The following REDIC1 variants were observed in gnomAD, a reference collection of about 807,000 sequenced individuals.
REDIC1 encodes the protein regulator of DNA class I crossover intermediates 1, also known as HEI10 Interacting Protein 1.
the REDIC1 span, among the ~76,000 whole-genome samples, chr12:39,676,898 T>C: frequency 6.6e-6 from 1 of 152,016 alleles, no homozygotes; most frequent in South Asian, 2.1e-4. Context: ...ACAAACATGC[T>C]GAGAGAATTC....
the REDIC1 span, among the ~76,000 whole-genome samples, chr12:39,832,913 A>G: frequency 6.6e-6 from 1 of 152,138 alleles, no homozygotes; most frequent in Non-Finnish European, 1.5e-5. Flanking sequence ...TATAGAGCAG[A>G]TGAGTAGCTC....
At chr12:39,638,616 G>C in the REDIC1 span, among the ~76,000 whole-genome samples, 2 of 151,974 alleles carry the variant, frequency 1.3e-5, no homozygotes, top group Non-Finnish European at 2.9e-5. Context: ...AAATAATTGA[G>C]AGTGACTATA....
At chr12:39,637,803 C>G in the REDIC1 span, among the ~76,000 whole-genome samples, 3 of 151,874 alleles carry the variant, frequency 2.0e-5, no homozygotes, top group South Asian at 6.2e-4. Context: ...GTTAGTTTCC[C>G]CTACTACTTA....
At chr12:39,818,035 C>A in the REDIC1 span, among the ~76,000 whole-genome samples, 1 of 152,176 alleles carries the variant, frequency 6.6e-6, no homozygotes, top group Admixed American at 6.5e-5. Flanking sequence ...CACTTTCCAG[C>A]TCTTTAACTT....
the REDIC1 span, among the ~76,000 whole-genome samples, chr12:39,700,875 C>G: frequency 0.047 from 7,149 of 152,096 alleles, 256 homozygotes; most frequent in East Asian, 0.08. Flanking sequence ...CCTTTACAGA[C>G]AAGCAAATGC....
the REDIC1 span, among the ~76,000 whole-genome samples, chr12:39,726,451 T>C: frequency 6.6e-6 from 1 of 152,126 alleles, no homozygotes; most frequent in Non-Finnish European, 1.5e-5. Context: ...CTGAGAATGA[T>C]GGTTTGAAGC....
chr12:39,814,637 A>G, the REDIC1 span, among the ~76,000 whole-genome samples: 1 of 152,208 alleles, frequency 6.6e-6, no homozygotes, highest in African/African-American at 2.4e-5. Context: ...AGAGAGGAAA[A>G]ACATAAATTG....
chr12:39,670,538 C>T, the REDIC1 span, among the ~76,000 whole-genome samples: 1 of 152,064 alleles, frequency 6.6e-6, no homozygotes, highest in African/African-American at 2.4e-5. Flanking sequence ...GGAGATAAGA[C>T]CTTTTTGGGT....
the REDIC1 span, among the ~76,000 whole-genome samples, chr12:39,871,557 C>G: frequency 4.6e-5 from 7 of 152,020 alleles, no homozygotes; most frequent in Admixed American, 4.6e-4. Context: ...AAATGTTACC[C>G]TCAGTAGATC....
At chr12:39,856,945 A>C in the REDIC1 span, among the ~76,000 whole-genome samples, 1 of 152,230 alleles carries the variant, frequency 6.6e-6, no homozygotes, top group African/African-American at 2.4e-5. Context: ...AAAATACACC[A>C]GACGCTGATT....
the REDIC1 span, chr12:39,757,003 T>C: frequency 6.6e-6 from 1 of 151,746 alleles, no homozygotes; most frequent in Non-Finnish European, 1.5e-5. Flanking sequence ...TTAAAAATAA[T>C]CATGTTTTGG....
At chr12:39,747,302 G>A in the REDIC1 span, among the ~76,000 whole-genome samples, 2 of 152,350 alleles carry the variant, frequency 1.3e-5, no homozygotes, top group African/African-American at 2.4e-5. Context: ...TAGCCAATTT[G>A]ATCAACTGGA....
chr12:39,647,776 A>G, the REDIC1 span: 1,365 of 1,438,808 alleles, frequency 9.5e-4, 16 homozygotes, highest in Non-Finnish European at 1.5e-4. Flanking sequence ...AAATGATTTT[A>G]TCTTCTTTCC....
chr12:39,706,030 T>G, the REDIC1 span, among the ~76,000 whole-genome samples: 1 of 152,090 alleles, frequency 6.6e-6, no homozygotes. Context: ...AGTCAAATTA[T>G]CCTTGTTTGC....
chr12:39,812,455 T>C, the REDIC1 span, among the ~76,000 whole-genome samples: 1 of 151,366 alleles, frequency 6.6e-6, no homozygotes, highest in Admixed American at 6.6e-5. Context: ...TCTCTTTCTT[T>C]CTTTCTCCTT....
chr12:39,702,455 C>A, the REDIC1 span, among the ~76,000 whole-genome samples: 1 of 151,896 alleles, frequency 6.6e-6, no homozygotes, highest in East Asian at 1.9e-4. Flanking sequence ...GCTTACCAAC[C>A]AAAAAGAGTC....
At chr12:39,685,051 C>T in the REDIC1 span, 1 of 590,090 alleles carries the variant, frequency 1.7e-6, no homozygotes, top group Non-Finnish European at 2.8e-6. Context: ...ATTGGATGGA[C>T]TCTTTTTCTT....
chr12:39,780,899 G>A, the REDIC1 span, among the ~76,000 whole-genome samples: 1 of 152,178 alleles, frequency 6.6e-6, no homozygotes, highest in African/African-American at 2.4e-5. Context: ...CATGTGGAGT[G>A]TCTCAGCAAT....
the REDIC1 span, among the ~76,000 whole-genome samples, chr12:39,712,074 CGG>C: frequency 2.2e-5 from 1 of 45,554 alleles, no homozygotes; most frequent in African/African-American, 6.4e-5. Context: ...GTATATATAC[CGG>C]TATGTATATA....
Sources: gnomAD v4.1 joint callset for allele counts (sites outside exome capture counted in the v4.1 genomes callset) on GRCh38, gnomAD v4.1.1 for gene constraint, MANE v1.5 for transcripts, NCBI Gene and HGNC (gene_info 2026-07-23, HGNC 2026-07-21) for gene names.